PTER: variants seen among roughly 807,000 people sequenced by gnomAD.
PTER encodes N-acetyltaurine hydrolase.
A neutral mutation model predicts 29.6 loss-of-function variants in PTER; 38 were observed. The observed-to-expected ratio is 1.28, with a 90% CI of 0.99 to 1.68. The LOEUF is 1.68. Among genes scored for constraint, PTER ranks in the 40% most tolerant of loss-of-function variants. The pLI is 0.00. For missense variants in PTER, 482 were observed against 427.8 expected, an observed-to-expected ratio of 1.13 and a Z score of -1.12; for synonymous variants, 172 against 154.5, an observed-to-expected ratio of 1.11 and a Z score of -0.84.
chr10:16,439,085 C>T (rs1833760115), intron 1 of PTER, among the ~76,000 whole-genome samples: 1 of 152,004 alleles, frequency 6.6e-6, no homozygotes, highest in African/African-American at 2.4e-5. Context: ...TTGAGAGGGT[C>T]TTCCAGTTTT....
intron 1 of PTER, among the ~76,000 whole-genome samples, chr10:16,455,674 G>T (rs976102689): frequency 6.6e-6 from 1 of 152,176 alleles, no homozygotes; most frequent in East Asian, 1.9e-4. Flanking sequence ...CTGGGCAACA[G>T]AGCGAGACCC....
intron 1 of PTER, among the ~76,000 whole-genome samples, chr10:16,483,390 A>T (rs188296387): frequency 5.5e-4 from 83 of 152,258 alleles, no homozygotes; most frequent in Non-Finnish European, 8.7e-4. Context: ...TTGTTATTTC[A>T]TTATTCAACC....
At position 16,505,041 on chromosome 10, in the gene PTER, G is replaced by A. The variant is rs756556283; in HGVS notation, c.720G>A (p.Glu240=). The A allele has an allele frequency of 5.0e-6, 8 of 1,613,822 alleles. No individual in the cohort carries two copies. Among genetic ancestry groups the A allele is most frequent in the Non-Finnish European group, 6.8e-6 (8 of 1,179,914 alleles). The change falls in exon 4 of 5, where the codon GAG becomes GAA. Residue 240 remains glutamate, a synonymous_variant. Transcript: ENST00000535784. ...CTAGGACTATTCTTGATAAGAAAGAGCTCTTGGAGTTTGCTCAACTTGGCT... is the reference window on the plus strand; with the variant it reads ...CTAGGACTATTCTTGATAAGAAAGAACTCTTGGAGTTTGCTCAACTTGGCT... ...HLDRTILDKK[E]LLEFAQLGCY... is the part of the protein sequence containing the mutation.
intron 3 of PTER, among the ~76,000 whole-genome samples, chr10:16,501,465 T>TAA (rs1836347230): frequency 6.6e-6 from 1 of 152,096 alleles, no homozygotes; most frequent in African/African-American, 2.4e-5. Flanking sequence ...TCAAATTGTC[T>TAA]AAAATAACTG....
At chr10:16,501,806 C>T (rs1836360646) in intron 3 of PTER, among the ~76,000 whole-genome samples, 1 of 152,196 alleles carries the variant, frequency 6.6e-6, no homozygotes, top group Admixed American at 6.5e-5. Flanking sequence ...AATTTAAATT[C>T]TAGCACATCA....
chr10:16,504,423 C>A (rs1215414875), intron 3 of PTER, among the ~76,000 whole-genome samples: 1 of 152,028 alleles, frequency 6.6e-6, no homozygotes, highest in Non-Finnish European at 1.5e-5. Flanking sequence ...AAAAAATAAG[C>A]ACTCCAGAGC....
At chr10:16,499,044 G>C (rs999154443) in intron 3 of PTER, among the ~76,000 whole-genome samples, 16 of 152,176 alleles carry the variant, frequency 1.1e-4, no homozygotes, top group African/African-American at 3.9e-4. Context: ...GGGCAGCCTG[G>C]TTTAAGAACA....
At chr10:16,510,739 G>A (rs1040442519) in intron 4 of PTER, among the ~76,000 whole-genome samples, 9 of 152,110 alleles carry the variant, frequency 5.9e-5, no homozygotes, top group African/African-American at 2.2e-4. Flanking sequence ...ATGCCAAAAT[G>A]GTCATTCATC....
intron 3 of PTER, among the ~76,000 whole-genome samples, chr10:16,501,371 GCACA>G (rs377037547): frequency 2.5e-4 from 9 of 36,200 alleles, no homozygotes; most frequent in East Asian, 1.8e-3. Context: ...ACACACACAT[GCACA>G]CACACACACA....
intron 1 of PTER, among the ~76,000 whole-genome samples, chr10:16,457,094 T>C (rs1408351598): frequency 6.6e-6 from 1 of 152,194 alleles, no homozygotes; most frequent in Non-Finnish European, 1.5e-5. Flanking sequence ...CCCTTCTTTC[T>C]TCCCAGAGTG....
At chr10:16,502,799 G>A (rs10904755) in intron 3 of PTER, among the ~76,000 whole-genome samples, 80,390 of 151,312 alleles carry the variant, frequency 0.53, 21,907 homozygotes, top group East Asian at 0.83. Flanking sequence ...GACCAGCCTG[G>A]CCAACATGGC....
chr10:16,453,045 C>T (rs936382923), intron 1 of PTER, among the ~76,000 whole-genome samples: 1 of 151,968 alleles, frequency 6.6e-6, no homozygotes, highest in African/African-American at 2.4e-5. Flanking sequence ...CCACTGCGTC[C>T]AGCCATTTCT....
chr10:16,462,143 G>A (rs1009949249), intron 1 of PTER, among the ~76,000 whole-genome samples: 11 of 151,904 alleles, frequency 7.2e-5, no homozygotes, highest in African/African-American at 2.2e-4. Flanking sequence ...CTGCCACTAC[G>A]CCTGGCTAAT....
chr10:16,443,703 C>G (rs1833919765), intron 1 of PTER, among the ~76,000 whole-genome samples: 1 of 152,186 alleles, frequency 6.6e-6, no homozygotes, highest in Non-Finnish European at 1.5e-5. Context: ...ATCAAGCGTA[C>G]CTTGCAGTCT....
At chr10:16,499,927 G>A (rs1376629904) in intron 3 of PTER, among the ~76,000 whole-genome samples, 1 of 151,698 alleles carries the variant, frequency 6.6e-6, no homozygotes, top group Non-Finnish European at 1.5e-5. Context: ...ATGTTATAGA[G>A]GCAGGGTCTC....
intron 1 of PTER, among the ~76,000 whole-genome samples, chr10:16,471,514 A>G (rs1425056828): frequency 2.0e-5 from 3 of 152,194 alleles, no homozygotes; most frequent in African/African-American, 4.8e-5. Flanking sequence ...TGAGCTTCAC[A>G]TTTTAGTGTC....
Position 16,484,623 on chromosome 10 carries a change from T to A in PTER, c.239T>A (p.Ile80Lys). 1.2e-6 allele frequency: 2 copies of A among 1,614,068 alleles called. No homozygotes were observed. The highest frequency in any genetic ancestry group is 1.1e-5 in the South Asian group (1 of 91,076). The part of the protein sequence containing the change: ...NLQLNQETEA[I>K]KEELLYFKAN... ...CAATTAAATCAGGAGACAGAAGCCA[T>A]AAAGGAAGAACTGTTGTATTTTAAA... The change falls in exon 2 of 5, where the codon ATA (isoleucine) becomes AAA (lysine). Residue 80 changes from isoleucine (I) to lysine (K), a missense_variant. Transcript: ENST00000535784.
chr10:16,469,509 G>C (rs1437782502), intron 1 of PTER, among the ~76,000 whole-genome samples: 1 of 142,584 alleles, frequency 7.0e-6, no homozygotes, highest in Non-Finnish European at 1.5e-5. Flanking sequence ...GAGAATGAAG[G>C]GGAAAAGGAA....
chr10:16,465,526 A>ATCAT lies in PTER; in HGVS notation c.-48-18809_-48-18806dup, dbSNP rs566751502. On this transcript the variant is annotated intron_variant, in intron 1 of 4. Transcript: ENST00000535784. ...TCTTAATATTTCAGGAAGCATAAAG[A>ATCAT]TCATTGGTCACAAGCCTATAAAGAG... Among the ~76,000 whole-genome samples the ATCAT allele has an allele frequency of 3.5e-4, 54 of 152,312 alleles. 1 individual carries two copies. Among genetic ancestry groups the ATCAT allele is most frequent in the African/African-American group, 1.3e-3 (53 of 41,574 alleles).
Sources: allele counts gnomAD v4.1 joint callset (sites outside exome capture counted in the v4.1 genomes callset), GRCh38; gene constraint gnomAD v4.1.1; transcripts MANE v1.5; gene names NCBI Gene and HGNC (gene_info 2026-07-23, HGNC 2026-07-21).